PCDHA8: variants seen among roughly 807,000 people sequenced by gnomAD.
PCDHA8 encodes protocadherin alpha-8.
In PCDHA8, 53 loss-of-function variants were observed where a neutral mutation model predicts 61.8. That is an observed-to-expected ratio of 0.86 (90% confidence interval 0.69 to 1.08). The LOEUF (loss-of-function observed/expected upper bound fraction) is 1.08, where lower values mean the gene tolerates loss of function less well. Among genes scored for constraint, PCDHA8 ranks in the 50% least tolerant of loss-of-function variants. The pLI, the probability that PCDHA8 is intolerant of heterozygous loss-of-function variation, is 0.00. For missense variants in PCDHA8, 1,293 were observed against 1,245.0 expected (o/e 1.04, Z -0.58); for synonymous variants, 618 against 556.6 (o/e 1.11, Z -1.55).
chr5:140,915,312 C>T (rs781796761), intron 1 of PCDHA8, among the ~76,000 whole-genome samples: 2 of 152,122 alleles, frequency 1.3e-5, no homozygotes, highest in Non-Finnish European at 2.9e-5. Flanking sequence ...TTACATACCA[C>T]AATTACAGTG....
chr5:140,868,879 C>T (rs1247053599), intron 1 of PCDHA8: 1 of 693,900 alleles, frequency 1.4e-6, no homozygotes, highest in Non-Finnish European at 2.3e-6. Context: ...ACAGTACTCA[C>T]AGTTTTAGGC....
intron 3 of PCDHA8, among the ~76,000 whole-genome samples, chr5:140,997,851 C>T (rs1400770612): frequency 6.6e-6 from 1 of 152,122 alleles, no homozygotes. Flanking sequence ...CATTCTTATA[C>T]ATATTTCTTA....
intron 1 of PCDHA8, among the ~76,000 whole-genome samples, chr5:140,977,549 A>G (rs2096765562): frequency 6.6e-6 from 1 of 152,210 alleles, no homozygotes; most frequent in African/African-American, 2.4e-5. Flanking sequence ...TTGCATATGC[A>G]TATCTTGCTA....
At chr5:140,870,134 A>G (rs2051696193) in intron 1 of PCDHA8, 1 of 1,613,888 alleles carries the variant, frequency 6.2e-7, no homozygotes, top group African/African-American at 1.3e-5. Flanking sequence ...GACACCAACG[A>G]TAACTCTCCT....
chr5:140,934,511 T>A (rs999288213), intron 1 of PCDHA8, among the ~76,000 whole-genome samples: 1 of 152,210 alleles, frequency 6.6e-6, no homozygotes, highest in African/African-American at 2.4e-5. Context: ...AAAGGGTCCA[T>A]AGACCACACT....
In PCDHA8 at chr5:140,842,938, C is replaced by A; in HGVS notation, c.1617C>A (p.Asp539Glu). 1.3e-6 allele frequency: 2 copies of A among 1,594,552 alleles called. No homozygotes were observed. Among genetic ancestry groups the A allele is most frequent in the East Asian group, 2.2e-5 (1 of 44,806 alleles). Reference protein sequence around the residue: ...ELLQFQVSARDAGVPPLGSNV... With the variant: ...ELLQFQVSAREAGVPPLGSNV... ...TGCAGTTCCAGGTGAGCGCGCGCGA[C>A]GCGGGCGTGCCGCCTCTGGGCAGCA... The change falls in exon 1 of 4, where the codon GAC becomes GAA. Residue 539 changes from aspartate to glutamate, a missense_variant. Asp to Glu is a conservative substitution (Grantham distance 45). Transcript: ENST00000531613.
chr5:140,857,017 T>C (rs1432761936), intron 1 of PCDHA8: 1 of 1,596,216 alleles, frequency 6.3e-7, no homozygotes, highest in African/African-American at 1.3e-5. Flanking sequence ...ATGTTACAGA[T>C]AAGGGAAACC....
intron 1 of PCDHA8, chr5:140,871,192 G>C (rs1582019516): frequency 6.2e-7 from 1 of 1,613,550 alleles, no homozygotes; most frequent in Non-Finnish European, 8.5e-7. Context: ...GGATGTCAAC[G>C]TGTACCTGAT....
Position 140,843,095 on chromosome 5 carries a change from G to GC in PCDHA8, c.1775dup (p.Lys593GlufsTer18). On this transcript the variant is annotated frameshift_variant, in exon 1 of 4. Coordinates refer to ENST00000531613, the MANE Select transcript of PCDHA8 (RefSeq NM_018911.3). LOFTEE classifies it high-confidence loss of function. ...GTCTGTGGGCGCGGGCCACGTGGTA[G>GC]CGAAGGTGCGCGCAGTGGACGCCGA... is the stretch of plus-strand genomic sequence containing the variant. The GC allele has an allele frequency of 4.4e-6, 7 of 1,595,672 alleles. 2 individuals are homozygous for GC. The highest frequency in any genetic ancestry group is 6.0e-6 in the Non-Finnish European group (7 of 1,165,442).
chr5:140,953,842 T>A (rs1369287853), intron 1 of PCDHA8, among the ~76,000 whole-genome samples: 2 of 152,214 alleles, frequency 1.3e-5, no homozygotes, highest in Non-Finnish European at 2.9e-5. Flanking sequence ...GTTACCCAGG[T>A]AAACATGTGC....
Position 140,929,060 on chromosome 5 carries a change from A to G in PCDHA8, c.2395-49889A>G, listed in dbSNP as rs782222884. 3 of 1,614,188 alleles carry G rather than the reference A, an allele frequency of 1.9e-6. No individual in the cohort carries two copies. In the South Asian group the frequency reaches 3.3e-5, roughly 18 times the overall value. On this transcript the variant is annotated intron_variant, in intron 1 of 3. Transcript: ENST00000531613. ...GCTCAGAGCTGCTGTCGCTCTACAGAGGATCTGAGGTATGGAAGTAAGATG... is the reference window on the plus strand; with the variant it reads ...GCTCAGAGCTGCTGTCGCTCTACAGGGGATCTGAGGTATGGAAGTAAGATG...
chr5:140,918,833 G>A (rs2078883719), intron 1 of PCDHA8, among the ~76,000 whole-genome samples: 1 of 152,084 alleles, frequency 6.6e-6, no homozygotes, highest in African/African-American at 2.4e-5. Context: ...CCCCTCCCCA[G>A]ACACTAAATC....
intron 3 of PCDHA8, among the ~76,000 whole-genome samples, chr5:140,993,585 G>T (rs2097574142): frequency 6.6e-6 from 1 of 151,526 alleles, no homozygotes; most frequent in Admixed American, 6.6e-5. Flanking sequence ...GCTTTTCTTG[G>T]CTTGGCTCCA....
chr5:140,883,091 G>T, intron 1 of PCDHA8: 1 of 1,614,112 alleles, frequency 6.2e-7, no homozygotes, highest in Non-Finnish European at 8.5e-7. Context: ...TGGTACAAAT[G>T]GAGATATAGT....
chr5:140,853,842 C>T lies in PCDHA8; in HGVS notation c.2394+10127C>T. On this transcript the variant is annotated intron_variant, in intron 1 of 3. Coordinates refer to ENST00000531613, the MANE Select transcript of PCDHA8 (RefSeq NM_018911.3). ...TTCTCATACAACCGAAATTTTAGATCCATAGCCCTATTTGATACTTGACAG... is the reference window on the plus strand; with the variant it reads ...TTCTCATACAACCGAAATTTTAGATTCATAGCCCTATTTGATACTTGACAG... 7.1e-6 allele frequency: 7 copies of T among 986,448 alleles called. 1 individual carries two copies. The highest frequency in any genetic ancestry group is 8.6e-6 in the Non-Finnish European group (7 of 818,538). The allele number at this position is 986,448 out of a possible 1,614,324, so 61.1% of individuals were successfully genotyped here. A position where few individuals can be genotyped will look rare whatever the true frequency, so the allele number is the denominator to read the frequency against.
chr5:140,976,037 T>C (rs1466922826), intron 1 of PCDHA8, among the ~76,000 whole-genome samples: 1 of 152,200 alleles, frequency 6.6e-6, no homozygotes, highest in Non-Finnish European at 1.5e-5. Context: ...ATTTCAACTG[T>C]GATTGAAATT....
chr5:140,971,718 G>A (rs1554233569), intron 1 of PCDHA8, among the ~76,000 whole-genome samples: 3 of 151,796 alleles, frequency 2.0e-5, no homozygotes, highest in Non-Finnish European at 2.9e-5. Flanking sequence ...ATAGATATAT[G>A]TATATCATAC....
chr5:140,967,052 A>C (rs1554229118), intron 1 of PCDHA8: 1 of 1,612,532 alleles, frequency 6.2e-7, no homozygotes, highest in Non-Finnish European at 8.5e-7. Context: ...GGACCTGACG[A>C]GTGGAGCGCT....
intron 1 of PCDHA8, among the ~76,000 whole-genome samples, chr5:140,950,257 G>A (rs1255968081): frequency 6.6e-6 from 1 of 151,952 alleles, no homozygotes; most frequent in Non-Finnish European, 1.5e-5. Context: ...AAAGAGCTGA[G>A]TTTATCCATA....
Sources: allele counts gnomAD v4.1 joint callset (sites outside exome capture counted in the v4.1 genomes callset), GRCh38; gene constraint gnomAD v4.1.1; transcripts MANE v1.5; gene names NCBI Gene and HGNC (gene_info 2026-07-23, HGNC 2026-07-21).